The following MAP2 variants were observed in gnomAD, a reference collection of about 807,000 sequenced individuals.
MAP2 encodes the protein microtubule associated protein 2.
In MAP2, 14 loss-of-function variants were observed where a neutral mutation model predicts 137.6. The ratio of observed to expected loss-of-function variants is 0.10; its 90% confidence interval spans 0.07 to 0.16. The LOEUF (loss-of-function observed/expected upper bound fraction) is 0.16, where lower values mean the gene tolerates loss of function less well. MAP2 is among the 10% of genes least tolerant of loss of function. The probability of loss-of-function intolerance (pLI) is 1.00; values close to 1 mark genes in which losing one functional copy is unlikely to be tolerated. For synonymous variants in MAP2, 786 were observed against 782.3 expected (o/e 1.00, Z -0.08); for missense variants, 2,088 against 2,191.5 (o/e 0.95, Z 0.94).
At chr2:209,451,222 G>T (rs969081433) in intron 1 of MAP2, among the ~76,000 whole-genome samples, 1 of 152,136 alleles carries the variant, frequency 6.6e-6, no homozygotes, top group Non-Finnish European at 1.5e-5. Flanking sequence ...ATCTTCATTT[G>T]CTCATCACAC....
chr2:209,449,919 CTT>C (rs1233942745), intron 1 of MAP2, among the ~76,000 whole-genome samples: 1 of 151,984 alleles, frequency 6.6e-6, no homozygotes, highest in South Asian at 2.1e-4. Context: ...AGTCACTTAT[CTT>C]TTTTATTTTC....
intron 2 of MAP2, among the ~76,000 whole-genome samples, chr2:209,516,255 A>G (rs2062479839): frequency 6.7e-6 from 1 of 149,840 alleles, no homozygotes; most frequent in Non-Finnish European, 1.5e-5. Flanking sequence ...GGCTTAAACT[A>G]TAAGATATTG....
chr2:209,454,769 CTA>C (rs1461842442), intron 1 of MAP2, among the ~76,000 whole-genome samples: 2 of 152,084 alleles, frequency 1.3e-5, no homozygotes, highest in Non-Finnish European at 2.9e-5. Flanking sequence ...GTGTACTAGA[CTA>C]AGGGTTAAAC....
intron 2 of MAP2, among the ~76,000 whole-genome samples, chr2:209,513,803 G>C (rs1294120714): frequency 6.6e-6 from 1 of 151,960 alleles, no homozygotes; most frequent in African/African-American, 2.4e-5. Flanking sequence ...TTCTTCATTA[G>C]GTCATGTGAA....
chr2:209,527,719 T>C (rs1268939310), intron 2 of MAP2, among the ~76,000 whole-genome samples: 1 of 152,252 alleles, frequency 6.6e-6, no homozygotes, highest in East Asian at 1.9e-4. Context: ...TCTCAGAGTG[T>C]CCCCTGAACC....
chr2:209,544,934 ATTC>A (rs1458452490), intron 2 of MAP2, among the ~76,000 whole-genome samples: 8 of 152,196 alleles, frequency 5.3e-5, no homozygotes, highest in Admixed American at 2.0e-4. Flanking sequence ...AAACCTGAAT[ATTC>A]TTCTTCTGGC....
At chr2:209,671,001 G>C (rs1194500314) in intron 5 of MAP2, among the ~76,000 whole-genome samples, 4 of 151,948 alleles carry the variant, frequency 2.6e-5, no homozygotes, top group Non-Finnish European at 5.9e-5. Flanking sequence ...CATCAGAGCT[G>C]AATTTTGTGC....
At chr2:209,451,674 A>C (rs1700351096) in intron 1 of MAP2, among the ~76,000 whole-genome samples, 1 of 152,202 alleles carries the variant, frequency 6.6e-6, no homozygotes, top group African/African-American at 2.4e-5. Flanking sequence ...ACACATACAC[A>C]TACTAAACAG....
chr2:209,679,415 A>C (rs929140346), intron 6 of MAP2, among the ~76,000 whole-genome samples: 2 of 151,966 alleles, frequency 1.3e-5, no homozygotes, highest in East Asian at 3.9e-4. Flanking sequence ...ATAGATAGAT[A>C]GAGAGATGGA....
chr2:209,512,458 C>A (rs2150278194), intron 2 of MAP2, among the ~76,000 whole-genome samples: 1 of 151,376 alleles, frequency 6.6e-6, no homozygotes, highest in South Asian at 2.1e-4. Context: ...GTAATAAATT[C>A]TGACGCTTCT....
chr2:209,566,194 A>G (rs894808096), intron 2 of MAP2, among the ~76,000 whole-genome samples: 4 of 152,200 alleles, frequency 2.6e-5, no homozygotes, highest in Admixed American at 1.3e-4. Context: ...CAATACACGT[A>G]AGTCCTGAGT....
chr2:209,663,809 G>A (rs926774961), intron 5 of MAP2, among the ~76,000 whole-genome samples: 1 of 152,206 alleles, frequency 6.6e-6, no homozygotes, highest in African/African-American at 2.4e-5. Context: ...TGAATGATCA[G>A]TCCTCCGATT....
At chr2:209,560,647 A>G in intron 2 of MAP2, among the ~76,000 whole-genome samples, 1 of 151,918 alleles carries the variant, frequency 6.6e-6, no homozygotes, top group Non-Finnish European at 1.5e-5. Flanking sequence ...CACCTTGCCA[A>G]TGTTTATATT....
At chr2:209,668,229 C>A (rs1351164403) in intron 5 of MAP2, among the ~76,000 whole-genome samples, 1 of 151,976 alleles carries the variant, frequency 6.6e-6, no homozygotes, top group Admixed American at 6.6e-5. Flanking sequence ...GGAATTCATG[C>A]TTTGAAGGTA....
chr2:209,622,800 A>G (rs937171566), intron 3 of MAP2, among the ~76,000 whole-genome samples: 2 of 152,172 alleles, frequency 1.3e-5, no homozygotes, highest in East Asian at 3.9e-4. Flanking sequence ...TCTTTCTCAT[A>G]AAGTCTAGAA....
intron 1 of MAP2, among the ~76,000 whole-genome samples, chr2:209,468,317 CTTTTTT>C (rs11450792): frequency 2.7e-4 from 24 of 88,516 alleles, no homozygotes; most frequent in South Asian, 9.9e-4. Context: ...TTTAGTGTTT[CTTTTTT>C]TTTTTTTTTT....
At chr2:209,502,993 T>C (rs1559246074) in intron 1 of MAP2, among the ~76,000 whole-genome samples, 1 of 121,486 alleles carries the variant, frequency 8.2e-6, no homozygotes, top group East Asian at 2.2e-4. Flanking sequence ...ATTTCGGATT[T>C]TTTTTCTTTT....
intron 1 of MAP2, among the ~76,000 whole-genome samples, chr2:209,428,740 C>G (rs573710317): frequency 1.0e-3 from 153 of 151,838 alleles, no homozygotes; most frequent in Non-Finnish European, 1.8e-3. Context: ...ACAGTTTTTT[C>G]CTTGTATACC....
intron 2 of MAP2, among the ~76,000 whole-genome samples, chr2:209,532,639 T>C (rs544677800): frequency 6.6e-6 from 1 of 152,292 alleles, no homozygotes; most frequent in African/African-American, 2.4e-5. Flanking sequence ...AATGTGGAAC[T>C]GGCCGTGTTT....
Sources: gnomAD v4.1 joint callset for allele counts (sites outside exome capture counted in the v4.1 genomes callset) on GRCh38, gnomAD v4.1.1 for gene constraint, MANE v1.5 for transcripts, NCBI Gene and HGNC (gene_info 2026-07-23, HGNC 2026-07-21) for gene names.